The following GALNT5 variants were observed in gnomAD, a reference collection of about 807,000 sequenced individuals.
GALNT5 encodes the protein polypeptide N-acetylgalactosaminyltransferase 5.
GALNT5 carries 72 observed loss-of-function variants against 85.4 expected under a neutral mutation model. The ratio of observed to expected loss-of-function variants is 0.84; its 90% confidence interval spans 0.70 to 1.03. GALNT5 has a LOEUF of 1.03. Ranked by LOEUF, GALNT5 falls within the 50% of genes least tolerant of loss-of-function variation. The pLI is 0.00. For synonymous variants in GALNT5, 404 were observed against 397.0 expected (o/e 1.02, Z -0.21); for missense variants, 1,137 against 1,135.5 (o/e 1.00, Z -0.02).
intron 8 of GALNT5, among the ~76,000 whole-genome samples, chr2:157,306,698 C>G (rs1683462103): frequency 1.3e-5 from 2 of 152,168 alleles, no homozygotes; most frequent in South Asian, 4.1e-4. Context: ...CTTGTTAAGT[C>G]TTACATCTTT....
Position 157,300,787 on chromosome 2 carries a change from C to T in GALNT5, c.2227C>T (p.Arg743Trp), listed in dbSNP as rs201197983. 6 of 1,613,956 alleles carry T rather than the reference C, an allele frequency of 3.7e-6. No homozygotes were observed. The highest frequency in any genetic ancestry group is 2.2e-5 in the East Asian group (1 of 44,874). The change falls in exon 7 of 10, where the codon CGG becomes TGG. Residue 743 changes from arginine (R) to tryptophan (W), a missense_variant. Transcript: ENST00000259056. The stretch of plus-strand genomic sequence containing the variant: ...CAAAGACCGGATGAAGACAGTGGAG[C>T]GGAACTTGGTGCGGGTTGCCGAGGT... ...FPKDRMKTVERNLVRVAEVWL... is the reference protein window; with the variant it reads ...FPKDRMKTVEWNLVRVAEVWL...
At position 157,311,565 on chromosome 2, in the gene GALNT5, T is replaced by C. The variant is rs1574038985; in HGVS notation, c.*217T>C. 2.4e-6 allele frequency: 1 copy of C among 425,442 alleles called. No individual in the cohort carries two copies. The highest frequency in any genetic ancestry group is 4.7e-5 in the East Asian group (1 of 21,306). The allele number at this position is 425,442 out of a possible 1,614,324, so 26.4% of individuals were successfully genotyped here. On this transcript the variant is annotated 3_prime_UTR_variant, in exon 10 of 10. Coordinates refer to ENST00000259056, the MANE Select transcript of GALNT5 (RefSeq NM_014568.3). ...GTCCTTCTTCGGAACTGGGTGGCCT[T>C]TGAATTGCCTGCTTTCCACCCTATG...
chr2:157,259,127 A>T lies in GALNT5; in HGVS notation c.1045A>T (p.Lys349Ter), dbSNP rs1425611973. The T allele has an allele frequency of 6.8e-7, 1 of 1,476,522 alleles. No homozygotes were observed. The highest frequency in any genetic ancestry group is 9.0e-7 in the Non-Finnish European group (1 of 1,112,250). 91.5% of individuals were successfully genotyped at this position (1,476,522 alleles called of 1,614,324 possible). ...TTCTAAAACCAAAACAATATTTCCT[A>T]AAGTATTGGGTAAAAGCCAAAGTAA... Reference protein sequence around the residue: ...SNSKTKTIFPKVLGKSQSKHI... With the variant: ...SNSKTKTIFP Residue 349 changes from lysine to a stop codon, truncating the protein, a stop_gained, in exon 1 of 10, where the codon AAA (lysine) becomes TAA (stop). Transcript: ENST00000259056. LOFTEE classifies it high-confidence loss of function.
At chr2:157,290,434 G>C (rs1287213123) in intron 3 of GALNT5, among the ~76,000 whole-genome samples, 1 of 152,114 alleles carries the variant, frequency 6.6e-6, no homozygotes, top group African/African-American at 2.4e-5. Flanking sequence ...AGTTTTAGCA[G>C]AGAATGTAAT....
At chr2:157,308,854 A>T in intron 9 of GALNT5, 126 bp downstream of exon 9, 1 of 674,810 alleles carries the variant, frequency 1.5e-6, no homozygotes, top group Non-Finnish European at 2.4e-6. Flanking sequence ...GGATTATGTA[A>T]AAGTTCATTC....
At chr2:157,293,930 T>G (rs1325124085) in intron 3 of GALNT5, among the ~76,000 whole-genome samples, 1 of 152,248 alleles carries the variant, frequency 6.6e-6, no homozygotes, top group Non-Finnish European at 1.5e-5. Flanking sequence ...GTTTGTTAGC[T>G]GTGCAACCAT....
rs144570628 is a variant in GALNT5 at position 157,259,361 on chromosome 2, G to C, written c.1279G>C (p.Asp427His). ...DSGTHQVLRI[D>H]VTLSPRDPKA... Reference sequence around the variant, plus strand: ...TGGAACGCACCAGGTGTTAAGAATTGATGTGACACTTTCTCCAAGGGACCC... The same window carrying C: ...TGGAACGCACCAGGTGTTAAGAATTCATGTGACACTTTCTCCAAGGGACCC... The change falls in exon 1 of 10, where the codon GAT becomes CAT. Residue 427 changes from aspartate (D) to histidine (H), a missense_variant. Coordinates refer to ENST00000259056, the MANE Select transcript of GALNT5 (RefSeq NM_014568.3). The C allele has an allele frequency of 4.6e-6, 7 of 1,512,082 alleles. No homozygotes were observed. In the African/African-American group the frequency reaches 9.8e-5, roughly 21 times the overall value. 93.7% of individuals were successfully genotyped at this position (1,512,082 alleles called of 1,614,324 possible).
At chr2:157,310,848 G>T (rs1683553309) in intron 9 of GALNT5, among the ~76,000 whole-genome samples, 1 of 152,016 alleles carries the variant, frequency 6.6e-6, no homozygotes, top group African/African-American at 2.4e-5. Flanking sequence ...TTTTGTTACG[G>T]TATGTATTCT....
intron 1 of GALNT5, among the ~76,000 whole-genome samples, chr2:157,265,813 A>C (rs1461569980): frequency 1.3e-5 from 2 of 152,232 alleles, no homozygotes; most frequent in Non-Finnish European, 2.9e-5. Context: ...TTTCGAAATG[A>C]AAGGAGCTTT....
At chr2:157,288,462 G>A (rs1683022481) in intron 3 of GALNT5, among the ~76,000 whole-genome samples, 1 of 152,196 alleles carries the variant, frequency 6.6e-6, no homozygotes, top group Non-Finnish European at 1.5e-5. Flanking sequence ...AGGTCTGGGT[G>A]AAGAATATTC....
chr2:157,292,950 C>T (rs971980639), intron 3 of GALNT5, among the ~76,000 whole-genome samples: 7 of 152,182 alleles, frequency 4.6e-5, no homozygotes, highest in Admixed American at 1.3e-4. Flanking sequence ...GATCCTACCA[C>T]CTCAGCCTCC....
intron 3 of GALNT5, 116 bp downstream of exon 3, chr2:157,286,250 G>A (rs888321772): frequency 7.9e-6 from 6 of 760,584 alleles, no homozygotes; most frequent in Non-Finnish European, 1.3e-5. Flanking sequence ...GCATCACTTA[G>A]TTCCATCAAT....
intron 2 of GALNT5, among the ~76,000 whole-genome samples, chr2:157,285,570 T>TGTCAGAAAA (rs1268007233): frequency 3.3e-5 from 5 of 152,112 alleles, no homozygotes; most frequent in Non-Finnish European, 5.9e-5. Flanking sequence ...AAAGGTGTAA[T>TGTCAGAAAA]GGAAGGGGAT....
intron 1 of GALNT5, among the ~76,000 whole-genome samples, chr2:157,274,962 A>C: frequency 6.6e-6 from 1 of 152,160 alleles, no homozygotes; most frequent in East Asian, 1.9e-4. Context: ...TTACGGTTTT[A>C]GGTCTAACGT....
intron 8 of GALNT5, 103 bp downstream of exon 8, chr2:157,305,932 T>A: frequency 1.5e-6 from 1 of 665,804 alleles, no homozygotes; most frequent in East Asian, 2.7e-5. Flanking sequence ...GAAAAATAAT[T>A]TTCTAAATTT....
At chr2:157,268,844 C>A (rs923926290) in intron 1 of GALNT5, among the ~76,000 whole-genome samples, 4 of 152,112 alleles carry the variant, frequency 2.6e-5, no homozygotes, top group Admixed American at 1.3e-4. Context: ...GACCAGTAGA[C>A]TCTAAATACC....
chr2:157,258,389 G>A lies in GALNT5; in HGVS notation c.307G>A (p.Val103Met), dbSNP rs776221240. The change falls in exon 1 of 10, where the codon GTG becomes ATG. Residue 103 changes from valine (V) to methionine (M), a missense_variant. Val to Met is a conservative substitution (Grantham distance 21, BLOSUM62 1). Coordinates refer to ENST00000259056, the MANE Select transcript of GALNT5 (RefSeq NM_014568.3). The part of the protein sequence containing the change: ...KTEESVLKVE[V>M]DLDQTQRERK... ...TGAGGAGAGTGTGCTCAAGGTTGAG[G>A]TGGACTTGGACCAAACCCAGAGGGA... The A allele has an allele frequency of 2.5e-6, 4 of 1,611,562 alleles. No homozygotes were observed. The highest frequency in any genetic ancestry group is 2.2e-5 in the East Asian group (1 of 44,810).
chr2:157,315,431 C>T lies in GALNT5; in HGVS notation c.*4083C>T, dbSNP rs925783703. ...ACCATGCTGCTATATAATTAATTTT[C>T]TTCTTTACAAAGGGCTGTCATCTCA... On this transcript the variant is annotated 3_prime_UTR_variant, in exon 10 of 10. Transcript: ENST00000259056. Among the ~76,000 whole-genome samples, 2 of 152,152 alleles carry T rather than the reference C, an allele frequency of 1.3e-5. No individual in the cohort carries two copies. The highest frequency in any genetic ancestry group is 2.9e-5 in the Non-Finnish European group (2 of 68,032).
Position 157,259,541 on chromosome 2 carries a change from G to C in GALNT5, c.1454+5G>C. 1 of 1,321,256 alleles carries C rather than the reference G, an allele frequency of 7.6e-7. No homozygotes were observed. Among genetic ancestry groups the C allele is most frequent in the South Asian group, 3.1e-5 (1 of 32,634 alleles). The allele number at this position is 1,321,256 out of a possible 1,614,324, so 81.8% of individuals were successfully genotyped here. A position where few individuals can be genotyped will look rare whatever the true frequency, so the allele number is the denominator to read the frequency against. On this transcript the variant is annotated splice_donor_5th_base_variant and intron_variant, in intron 1 of 9. Coordinates refer to ENST00000259056, the MANE Select transcript of GALNT5 (RefSeq NM_014568.3). ...TGAAGACACCAGACCTGCTGGGTAA[G>C]ACCTATTTCTCTTCTCTTTCCTCAA...
Sources: allele counts gnomAD v4.1 joint callset (sites outside exome capture counted in the v4.1 genomes callset), GRCh38; gene constraint gnomAD v4.1.1; transcripts MANE v1.5; gene names NCBI Gene and HGNC (gene_info 2026-07-23, HGNC 2026-07-21).